BSDC1: variants seen among roughly 807,000 people sequenced by gnomAD.
BSDC1 encodes the protein BSD domain containing 1, also known as BSD domain-containing protein 1.
A neutral mutation model predicts 56.0 loss-of-function variants in BSDC1; 29 were observed. The ratio of observed to expected loss-of-function variants is 0.52; its 90% CI spans 0.39 to 0.71. The LOEUF (loss-of-function observed/expected upper bound fraction) is 0.71. BSDC1 is among the 30% of genes least tolerant of loss of function. BSDC1 has a pLI of 0.00. For missense variants in BSDC1, 477 were observed against 548.5 expected (o/e 0.87, Z 1.30); for synonymous variants, 210 against 215.3 (o/e 0.98, Z 0.21).
At position 32,389,113 on chromosome 1, in the gene BSDC1, C is replaced by A. The variant is rs1052390707; in HGVS notation, c.73-2218G>T. 3.3e-5 allele frequency among the ~76,000 whole-genome samples: 5 copies of A among 152,182 alleles called. No homozygotes were observed. In the East Asian group the frequency reaches 9.7e-4, roughly 29 times the overall value. The stretch of plus-strand genomic sequence containing the variant: ...GGGACTACAGGCGCCCGCCACCAAG[C>A]CCAGCTAATTTTTTGTATTTTTAGT... On this transcript the variant is annotated intron_variant, in intron 2 of 10. Transcript: ENST00000455895.
chr1:32,376,762 G>A, intron 8 of BSDC1, 21 bp from the exon 9 acceptor site: 1 of 1,341,090 alleles, frequency 7.5e-7, no homozygotes, highest in Non-Finnish European at 9.6e-7. Context: ...AGAAAGGGAG[G>A]GGCAAGAGGG....
At chr1:32,387,040 C>CCAA in intron 2 of BSDC1, 145 bp from the exon 3 acceptor site, 4 of 651,484 alleles carry the variant, frequency 6.1e-6, no homozygotes, top group Non-Finnish European at 1.1e-5. Flanking sequence ...CTCATTTGTC[C>CCAA]CAATTCCATG....
At chr1:32,366,851 G>A (rs1246103597) in intron 10 of BSDC1, 197 bp from the exon 11 acceptor site, 1 of 1,318,334 alleles carries the variant, frequency 7.6e-7, no homozygotes, top group Non-Finnish European at 9.7e-7. Flanking sequence ...CTGAGGGGTG[G>A]GCCTGATGCT....
In BSDC1 at chr1:32,365,097, G is replaced by C. The variant is rs1363502380; in HGVS notation, c.*1525C>G. On this transcript the variant is annotated 3_prime_UTR_variant, in exon 11 of 11. Coordinates refer to ENST00000455895, the MANE Select transcript of BSDC1 (RefSeq NM_018045.8). The stretch of plus-strand genomic sequence containing the variant: ...CCAAGGGGACAAAAACAGACCCCCA[G>C]ACACCTTTCAGCTTCGGGTGAATCA... The C allele has an allele frequency of 6.6e-6, 1 of 152,216 alleles. No homozygotes were observed. The highest frequency in any genetic ancestry group is 1.5e-5 in the Non-Finnish European group (1 of 68,054). The allele number at this position is 152,216 out of a possible 1,614,324, so 9.4% of individuals were successfully genotyped here. A position where few individuals can be genotyped will look rare whatever the true frequency, so the allele number is the denominator to read the frequency against.
chr1:32,394,206 G>C (rs1427608234), intron 1 of BSDC1, 66 bp from the exon 2 acceptor site: 2 of 1,580,910 alleles, frequency 1.3e-6, no homozygotes, highest in Non-Finnish European at 1.7e-6. Flanking sequence ...GATCCGGTTT[G>C]TTCCCCGCTC....
chr1:32,394,268 A>G (rs1557661457), intron 1 of BSDC1, 128 bp from the exon 2 acceptor site: 1 of 1,555,820 alleles, frequency 6.4e-7, no homozygotes, highest in African/African-American at 1.4e-5. Context: ...ACCCCCTCAC[A>G]ATGCGACTCC....
At position 32,378,382 on chromosome 1, in the gene BSDC1, G is replaced by T; in HGVS notation, c.529-99C>A. ...CTATTCCCAGCCAGTCTGGATTTCA[G>T]ACCCAGTAAGTGGCTTAGCAGTGAC... On this transcript the variant is annotated intron_variant, in intron 6 of 10. Coordinates refer to ENST00000455895, the MANE Select transcript of BSDC1 (RefSeq NM_018045.8). The surrounding 1 kb of genome is among the most constrained non-coding windows in gnomAD (Gnocchi z 5.2). 1 of 1,215,760 alleles carries T rather than the reference G, an allele frequency of 8.2e-7. No homozygotes were observed. Among genetic ancestry groups the T allele is most frequent in the South Asian group, 1.3e-5 (1 of 78,232 alleles). 75.3% of individuals were successfully genotyped at this position (1,215,760 alleles called of 1,614,324 possible).
intron 9 of BSDC1, among the ~76,000 whole-genome samples, chr1:32,371,291 C>T (rs965564720): frequency 6.8e-5 from 10 of 146,524 alleles, no homozygotes; most frequent in African/African-American, 2.3e-4. Context: ...TGAACACATA[C>T]GACTTTGTAA....
At chr1:32,368,750 G>A (rs369445809) in intron 9 of BSDC1, among the ~76,000 whole-genome samples, 200 bp from the exon 10 acceptor site, 8 of 151,950 alleles carry the variant, frequency 5.3e-5, no homozygotes, top group African/African-American at 1.9e-4. Context: ...CCAGGCTGGA[G>A]TGCAGTGGTG....
chr1:32,389,643 C>T (rs1642795887), intron 2 of BSDC1, among the ~76,000 whole-genome samples: 1 of 152,156 alleles, frequency 6.6e-6, no homozygotes. Flanking sequence ...AAAGAATGAA[C>T]AGGAGTTGGT....
intron 9 of BSDC1, 118 bp downstream of exon 9, chr1:32,376,141 CATT>C (rs2148119770): frequency 8.9e-7 from 1 of 1,124,798 alleles, no homozygotes; most frequent in South Asian, 3.0e-5. Context: ...CAGCTGTCAT[CATT>C]ATCAGAAACG....
chr1:32,388,796 C>T (rs1318366750), intron 2 of BSDC1, among the ~76,000 whole-genome samples: 1 of 152,096 alleles, frequency 6.6e-6, no homozygotes, highest in Non-Finnish European at 1.5e-5. Flanking sequence ...AGAGTTCTAA[C>T]TCTTCAAAAA....
At chr1:32,389,144 C>T (rs146747561) in intron 2 of BSDC1, among the ~76,000 whole-genome samples, 2,645 of 151,976 alleles carry the variant, frequency 0.017, 37 homozygotes, top group Non-Finnish European at 0.027. Context: ...TTAGTAGAGA[C>T]GGGATTTCAC....
chr1:32,388,539 G>C (rs2148140388), intron 2 of BSDC1, among the ~76,000 whole-genome samples: 1 of 152,252 alleles, frequency 6.6e-6, no homozygotes, highest in South Asian at 2.1e-4. Flanking sequence ...ATGACACCCA[G>C]TGGGTGCTTT....
intron 3 of BSDC1, among the ~76,000 whole-genome samples, chr1:32,384,477 AG>A (rs1214110572): frequency 6.6e-6 from 1 of 152,202 alleles, no homozygotes; most frequent in African/African-American, 2.4e-5. Context: ...CATCCTTCAT[AG>A]GGTTACCATG....
At position 32,365,430 on chromosome 1, in the gene BSDC1, A is replaced by G. The variant is rs150119185; in HGVS notation, c.*1192T>C. On this transcript the variant is annotated 3_prime_UTR_variant, in exon 11 of 11. Transcript: ENST00000455895. ...GAAGGTTTGAAGTGGAAGTGACCTC[A>G]CTCTCTCGGTGTCCCTGACCCACGA... 6.7e-6 allele frequency: 1 copy of G among 149,848 alleles called. No homozygotes were observed. The allele number at this position is 149,848 out of a possible 1,614,324, so 9.3% of individuals were successfully genotyped here.
In BSDC1 at chr1:32,366,598, G is replaced by C; in HGVS notation, c.*24C>G. 6.6e-7 allele frequency: 1 copy of C among 1,508,646 alleles called. No individual in the cohort carries two copies. The highest frequency in any genetic ancestry group is 9.0e-7 in the Non-Finnish European group (1 of 1,116,016). 93.5% of individuals were successfully genotyped at this position (1,508,646 alleles called of 1,614,324 possible). ...AGGGAGGCGAGAGATGCCATGGGTG[G>C]GGGAGCTGCTCCCTCTGGCTCCCTC... On this transcript the variant is annotated 3_prime_UTR_variant, in exon 11 of 11. Transcript: ENST00000455895.
chr1:32,376,350 A>T lies in BSDC1; in HGVS notation c.1068T>A (p.Thr356=). 1 of 1,611,776 alleles carries T rather than the reference A, an allele frequency of 6.2e-7. No individual in the cohort carries two copies. Among genetic ancestry groups the T allele is most frequent in the East Asian group, 2.2e-5 (1 of 44,826 alleles). Residue 356 remains threonine, a synonymous_variant, in exon 9 of 11, where the codon ACT becomes ACA. Coordinates refer to ENST00000455895, the MANE Select transcript of BSDC1 (RefSeq NM_018045.8). The part of the protein sequence containing the change: ...PEPRPPARVE[T]LREEAPTDLR... ...AGTCTGTGGGCGCCTCCTCCCTCAG[A>T]GTCTCTACTCTGGCTGGAGGCCTGG...
rs181137816 is a variant in BSDC1, at chr1:32,377,549, G to C, written c.676+421C>G. On this transcript the variant is annotated intron_variant, in intron 8 of 10. Coordinates refer to ENST00000455895, the MANE Select transcript of BSDC1 (RefSeq NM_018045.8). ...ACATGCTGTTCTAAGCTGAGCTACA[G>C]GTAGAAGATGCTCAGCTCCCTCCCT... 2.6e-4 allele frequency among the ~76,000 whole-genome samples: 40 copies of C among 152,298 alleles called. No homozygotes were observed. The East Asian group carries it at 7.3e-3, about 28-fold the overall frequency.
Sources: gnomAD v4.1 joint callset for allele counts (sites outside exome capture counted in the v4.1 genomes callset) on GRCh38, gnomAD v4.1.1 for gene constraint, Gnocchi (gnomAD v3.1) non-coding constraint, MANE v1.5 for transcripts, NCBI Gene and HGNC (gene_info 2026-07-23, HGNC 2026-07-21) for gene names.